Variants in ESPN observed in about 807,000 individuals in gnomAD.
The protein encoded by ESPN is autosomal recessive deafness type 36 protein.
Under a neutral mutation model 77.7 loss-of-function variants are expected in ESPN, and 68 were observed. That is an observed-to-expected ratio of 0.87 (90% CI 0.72 to 1.07). The LOEUF is 1.07. Ranked by LOEUF, ESPN falls within the 50% of genes least tolerant of loss-of-function variation. The pLI, the probability that ESPN is intolerant of heterozygous loss-of-function variation, is 0.00. For synonymous variants in ESPN, 449 were observed against 567.1 expected (o/e 0.79, Z 2.96); for missense variants, 1,060 against 1,239.0 (o/e 0.86, Z 2.17).
At chr1:6,445,079 T>C (rs72861514) in intron 6 of ESPN, among the ~76,000 whole-genome samples, 37 of 151,964 alleles carry the variant, frequency 2.4e-4, no homozygotes, top group African/African-American at 8.4e-4. Flanking sequence ...GTGCTCTATT[T>C]CCATACTACA....
rs1201486900 is a variant in ESPN, at chr1:6,448,865, A to C, written c.1689A>C (p.Ser563=). ...GCCTCGGCCCTGCCGCCCGCGGCTC[A>C]CTCGAAGGCCCCTCCGCTCCCCCGC... ...CPRLGPAARG[S]LEGPSAPPQA... The change falls in exon 8 of 13, where the codon TCA becomes TCC. Residue 563 remains serine (S), a synonymous_variant. Coordinates refer to ENST00000645284, the MANE Select transcript of ESPN (RefSeq NM_031475.3). 2 of 1,268,532 alleles carry C rather than the reference A, an allele frequency of 1.6e-6. No individual in the cohort carries two copies. Among genetic ancestry groups the C allele is most frequent in the Non-Finnish European group, 9.9e-7 (1 of 1,012,884 alleles). 78.6% of individuals were successfully genotyped at this position (1,268,532 alleles called of 1,614,324 possible).
At chr1:6,436,634 G>A (rs537366481) in intron 2 of ESPN, among the ~76,000 whole-genome samples, 77 of 152,004 alleles carry the variant, frequency 5.1e-4, no homozygotes, top group Admixed American at 2.4e-3. Context: ...CCTCCTGAGC[G>A]GCTGGGACTA....
chr1:6,432,502 G>A (rs1643287370), intron 2 of ESPN, among the ~76,000 whole-genome samples: 1 of 152,204 alleles, frequency 6.6e-6, no homozygotes, highest in Non-Finnish European at 1.5e-5. Context: ...CCTCACAGCA[G>A]GAGACCATCT....
At chr1:6,429,177 G>T (rs1363597327) in intron 2 of ESPN, among the ~76,000 whole-genome samples, 2 of 152,024 alleles carry the variant, frequency 1.3e-5, no homozygotes, top group African/African-American at 4.8e-5. Context: ...CCCAGGGCCT[G>T]TCTGAGAGGG....
chr1:6,453,948 T>C (rs1643999809), intron 10 of ESPN, among the ~76,000 whole-genome samples: 1 of 152,108 alleles, frequency 6.6e-6, no homozygotes, highest in South Asian at 2.1e-4. Flanking sequence ...GAGTGGCCTC[T>C]GATTCTGCAC....
At chr1:6,430,645 C>A (rs1643208691) in intron 2 of ESPN, among the ~76,000 whole-genome samples, 1 of 152,124 alleles carries the variant, frequency 6.6e-6, no homozygotes, top group South Asian at 2.1e-4. Context: ...GTGGCGCATG[C>A]CTGTAATCCC....
chr1:6,442,571 T>TAAAA (rs869219412), intron 5 of ESPN, among the ~76,000 whole-genome samples: 1 of 77,946 alleles, frequency 1.3e-5, no homozygotes, highest in Non-Finnish European at 2.6e-5. Flanking sequence ...AGACTCCTTC[T>TAAAA]AAAAAAAAAA....
Position 6,448,830 on chromosome 1 carries a change from G to A in ESPN, c.1654G>A (p.Gly552Ser), listed in dbSNP as rs1425400478. The change falls in exon 8 of 13, where the codon GGC (glycine) becomes AGC (serine). Residue 552 changes from glycine (G) to serine (S), a missense_variant. Coordinates refer to ENST00000645284, the MANE Select transcript of ESPN (RefSeq NM_031475.3). ...EVRARQPARAGCPRLGPAARG... is the reference protein window; with the variant it reads ...EVRARQPARASCPRLGPAARG... ...GCGTGCCCGCCAGCCCGCGCGCGCCGGCTGCCCGCGCCTCGGCCCTGCCGC... is the reference window on the plus strand; with the variant it reads ...GCGTGCCCGCCAGCCCGCGCGCGCCAGCTGCCCGCGCCTCGGCCCTGCCGC... 4 of 1,237,030 alleles carry A rather than the reference G, an allele frequency of 3.2e-6. No homozygotes were observed. The highest frequency in any genetic ancestry group is 1.6e-5 in the African/African-American group (1 of 63,640). 76.6% of individuals were successfully genotyped at this position (1,237,030 alleles called of 1,614,324 possible).
intron 1 of ESPN, 83 bp downstream of exon 1, chr1:6,425,332 A>G: frequency 3.3e-6 from 5 of 1,497,274 alleles, no homozygotes; most frequent in Non-Finnish European, 4.5e-6. Flanking sequence ...GGGCTCAAGG[A>G]TGGGTGGGGT....
chr1:6,450,731 A>T lies in ESPN; in HGVS notation c.1916-872A>T, dbSNP rs192485106. On this transcript the variant is annotated intron_variant, in intron 8 of 12. Coordinates refer to ENST00000645284, the MANE Select transcript of ESPN (RefSeq NM_031475.3). This position sits in a 1 kb window ranked among gnomAD's most constrained non-coding sequence, Gnocchi z 4.3. ...GCCACACCGATTTTCCCTTTCTCCTACTCTTCTCCCCCACCACCCCCACCC... is the reference window on the plus strand; with the variant it reads ...GCCACACCGATTTTCCCTTTCTCCTTCTCTTCTCCCCCACCACCCCCACCC... Among the ~76,000 whole-genome samples the T allele has an allele frequency of 4.3e-4, 64 of 149,532 alleles. No homozygotes were observed. In the East Asian group the frequency reaches 9.2e-3, roughly 21 times the overall value.
At chr1:6,446,482 G>A (rs530948352) in intron 7 of ESPN, among the ~76,000 whole-genome samples, 447 of 152,292 alleles carry the variant, frequency 2.9e-3, no homozygotes, top group Non-Finnish European at 4.9e-3. Context: ...GAGCTCCTGG[G>A]GGAAAGGGCC....
At chr1:6,459,580 CCT>C (rs1485421774) in intron 12 of ESPN, among the ~76,000 whole-genome samples, 5 of 151,954 alleles carry the variant, frequency 3.3e-5, no homozygotes, top group Non-Finnish European at 7.4e-5. Context: ...ATTCTCAGTC[CCT>C]CTCTCAATTA....
chr1:6,449,876 G>T (rs1426476315), intron 8 of ESPN, among the ~76,000 whole-genome samples: 4 of 152,122 alleles, frequency 2.6e-5, no homozygotes, highest in Non-Finnish European at 5.9e-5. Flanking sequence ...AGCCTGGCTG[G>T]GGTGTCTTCC....
rs753271174 is a variant in ESPN, at chr1:6,445,630, C to T, written c.1193-34C>T. 3.1e-6 allele frequency: 5 copies of T among 1,606,404 alleles called. No individual in the cohort carries two copies. In the Admixed American group the frequency reaches 8.4e-5, roughly 27 times the overall value. On this transcript the variant is annotated intron_variant, in intron 6 of 12. Coordinates refer to ENST00000645284, the MANE Select transcript of ESPN (RefSeq NM_031475.3). ...TCTTGGGGGACAGCCTGTCTGCATG[C>T]TCCCAAATCTGGCCCTTCCTTCTGC...
At chr1:6,440,602 C>A (rs762692209) in intron 3 of ESPN, 24 bp from the exon 4 acceptor site, 10 of 1,256,414 alleles carry the variant, frequency 8.0e-6, no homozygotes, top group African/African-American at 8.0e-5. Context: ...CCCCCGCCCC[C>A]CTCTCCCCGC....
In ESPN at chr1:6,440,614, C is replaced by A; in HGVS notation, c.676-12C>A. 2 of 1,433,760 alleles carry A rather than the reference C, an allele frequency of 1.4e-6. No homozygotes were observed. Among genetic ancestry groups the A allele is most frequent in the South Asian group, 1.3e-5 (1 of 79,706 alleles). 88.8% of individuals were successfully genotyped at this position (1,433,760 alleles called of 1,614,324 possible). A position where few individuals can be genotyped will look rare whatever the true frequency, so the allele number is the denominator to read the frequency against. ...CAGCCCCCGCCCCCCTCTCCCCGCC[C>A]GTCCCGCCCAGGTGAGCTGCACCGA... On this transcript the variant is annotated splice_polypyrimidine_tract_variant and intron_variant, in intron 3 of 12. Coordinates refer to ENST00000645284, the MANE Select transcript of ESPN (RefSeq NM_031475.3).
In ESPN at chr1:6,450,486, C is replaced by T. The variant is rs548748562; in HGVS notation, c.1916-1117C>T. ...CACAGGAAGAGTGAGTAGCTGCGTG[C>T]GCGGCTCCTGGCTGAGGCTGAGGCG... On this transcript the variant is annotated intron_variant, in intron 8 of 12. Coordinates refer to ENST00000645284, the MANE Select transcript of ESPN (RefSeq NM_031475.3). This position sits in a 1 kb window ranked among gnomAD's most constrained non-coding sequence, Gnocchi z 4.3. 15 of 973,452 alleles carry T rather than the reference C, an allele frequency of 1.5e-5. No individual in the cohort carries two copies. Among genetic ancestry groups the T allele is most frequent in the Admixed American group, 1.2e-4 (2 of 16,248 alleles). 60.3% of individuals were successfully genotyped at this position (973,452 alleles called of 1,614,324 possible).
rs1644130340 is a variant in ESPN, at chr1:6,460,045, G to A, written c.2464G>A (p.Glu822Lys). 1 of 1,613,530 alleles carries A rather than the reference G, an allele frequency of 6.2e-7. No homozygotes were observed. The highest frequency in any genetic ancestry group is 8.5e-7 in the Non-Finnish European group (1 of 1,180,032). The stretch of plus-strand genomic sequence containing the variant: ...GCAGGAGGAGCTGCGGCGGGAGAAG[G>A]AACAGTCAGAGAAGCTGCGGACGCT... ...QKQEELRREK[E>K]QSEKLRTLGY... The change falls in exon 13 of 13, where the codon GAA becomes AAA. Residue 822 changes from glutamate to lysine, a missense_variant. Glu to Lys is a moderately conservative substitution (Grantham distance 56). This residue lies in a region of ESPN where 374 missense variants were observed against 381.4 expected (regional missense o/e 0.98). Transcript: ENST00000645284.
At position 6,444,514 on chromosome 1, in the gene ESPN, T is replaced by C; in HGVS notation, c.1024T>C (p.Ser342Pro). The C allele has an allele frequency of 6.2e-7, 1 of 1,614,188 alleles. No homozygotes were observed. Among genetic ancestry groups the C allele is most frequent in the Non-Finnish European group, 8.5e-7 (1 of 1,180,022 alleles). ...VEHRVLSRDP[S>P]AELEAKQPDS... ...GCACCGCGTGCTTTCCCGGGATCCA[T>C]CCGCAGAGCTGGAGGCTAAGCAGCC... Residue 342 changes from serine (S) to proline (P), a missense_variant, in exon 6 of 13, where the codon TCC becomes CCC. Ser to Pro is a moderately conservative substitution (Grantham distance 74). This residue lies in a region of ESPN where 556 missense variants were observed against 633.6 expected (regional missense o/e 0.88). Coordinates refer to ENST00000645284, the MANE Select transcript of ESPN (RefSeq NM_031475.3).
Sources: gnomAD v4.1 joint callset for allele counts (sites outside exome capture counted in the v4.1 genomes callset) on GRCh38, gnomAD v4.1.1 for gene constraint, gnomAD v4.1.1 regional missense constraint, Gnocchi (gnomAD v3.1) non-coding constraint, MANE v1.5 for transcripts, NCBI Gene and HGNC (gene_info 2026-07-23, HGNC 2026-07-21) for gene names.